SLC7A2: variants seen among roughly 807,000 people sequenced by gnomAD.
SLC7A2 encodes solute carrier family 7 member 2, also known as cationic amino acid transporter 2.
SLC7A2 carries 48 observed loss-of-function variants against 58.9 expected under a neutral mutation model. The ratio of observed to expected loss-of-function variants is 0.82; its 90% confidence interval spans 0.65 to 1.04. The LOEUF (loss-of-function observed/expected upper bound fraction) is 1.04. Among genes scored for constraint, SLC7A2 ranks in the 50% least tolerant of loss-of-function variants. The pLI, the probability that SLC7A2 is intolerant of heterozygous loss-of-function variation, is 0.00. For synonymous variants in SLC7A2, 363 were observed against 314.5 expected (o/e 1.15, Z -1.63); for missense variants, 1,029 against 818.8 (o/e 1.26, Z -3.13).
intron 11 of SLC7A2, among the ~76,000 whole-genome samples, chr8:17,562,792 A>G (rs936282124): frequency 6.6e-6 from 1 of 152,182 alleles, no homozygotes; most frequent in African/African-American, 2.4e-5. Flanking sequence ...TAGGGTGAGT[A>G]TTTTGTTTTT....
At chr8:17,529,452 C>T (rs879443716) in intron 2 of SLC7A2, among the ~76,000 whole-genome samples, 17 of 151,964 alleles carry the variant, frequency 1.1e-4, no homozygotes, top group Admixed American at 4.6e-4. Flanking sequence ...ATTGTATAAG[C>T]AAGTGTCAAT....
upstream of SLC7A2, among the ~76,000 whole-genome samples, chr8:17,495,193 C>T (rs1799927704): frequency 6.6e-6 from 1 of 152,148 alleles, no homozygotes; most frequent in Non-Finnish European, 1.5e-5. Flanking sequence ...CGTGTAGCCT[C>T]GCCTCCTCGA....
At chr8:17,524,233 A>G (rs1437935366) in intron 2 of SLC7A2, among the ~76,000 whole-genome samples, 4 of 152,222 alleles carry the variant, frequency 2.6e-5, no homozygotes, top group Admixed American at 2.6e-4. Context: ...CTACCATTTG[A>G]TCCAGCAGTC....
chr8:17,532,291 A>AACAATC (rs2150714886), intron 2 of SLC7A2, among the ~76,000 whole-genome samples: 1 of 79,176 alleles, frequency 1.3e-5, no homozygotes, highest in East Asian at 3.4e-4. Flanking sequence ...ATAATGGCTG[A>AACAATC]AGAATCAGAT....
chr8:17,514,389 A>G (rs1158098719), intron 2 of SLC7A2, among the ~76,000 whole-genome samples: 1 of 152,240 alleles, frequency 6.6e-6, no homozygotes, highest in Non-Finnish European at 1.5e-5. Context: ...ATGAGCCCAG[A>G]AAACCCGTGT....
chr8:17,530,826 C>A (rs557741450), intron 2 of SLC7A2, among the ~76,000 whole-genome samples: 1 of 152,172 alleles, frequency 6.6e-6, no homozygotes, highest in South Asian at 2.1e-4. Context: ...CCTGCCTTGG[C>A]CCCCCAAAGT....
At chr8:17,555,863 C>G (rs1802674654) in intron 8 of SLC7A2, among the ~76,000 whole-genome samples, 1 of 152,056 alleles carries the variant, frequency 6.6e-6, no homozygotes, top group Non-Finnish European at 1.5e-5. Flanking sequence ...CTTAAAGGTA[C>G]TGTTACAGGA....
At chr8:17,549,667 A>G (rs1287612460) in intron 5 of SLC7A2, among the ~76,000 whole-genome samples, 1 of 152,216 alleles carries the variant, frequency 6.6e-6, no homozygotes, top group Non-Finnish European at 1.5e-5. Context: ...TAGTTGCACA[A>G]GCAGACATAA....
chr8:17,501,063 G>C (rs1353107465), intron 1 of SLC7A2, among the ~76,000 whole-genome samples: 97 of 151,582 alleles, frequency 6.4e-4, no homozygotes, highest in Non-Finnish European at 3.7e-4. Flanking sequence ...GCCCAGGCTA[G>C]AGTGCAGTGG....
At chr8:17,562,911 C>T (rs1358604738) in intron 11 of SLC7A2, among the ~76,000 whole-genome samples, 1 of 152,114 alleles carries the variant, frequency 6.6e-6, no homozygotes, top group Non-Finnish European at 1.5e-5. Context: ...AAGGCCAAGG[C>T]AGGAGGATTG....
chr8:17,557,313 G>A (rs960222739), intron 8 of SLC7A2, among the ~76,000 whole-genome samples: 2 of 152,140 alleles, frequency 1.3e-5, no homozygotes, highest in African/African-American at 2.4e-5. Context: ...TGATGTTTCA[G>A]TGGAGAAAAC....
At chr8:17,494,077 CCAGTATCCAACCAT>C (rs1309399630), upstream of SLC7A2, among the ~76,000 whole-genome samples, 3 of 152,186 alleles carry the variant, frequency 2.0e-5, no homozygotes, top group Non-Finnish European at 4.4e-5. Context: ...GCATTAGTAT[CCAGTATCCAACCAT>C]CTGAAAAAAA....
intron 7 of SLC7A2, 51 bp downstream of exon 7, chr8:17,552,037 G>C: frequency 6.8e-7 from 1 of 1,467,638 alleles, no homozygotes; most frequent in Non-Finnish European, 9.5e-7. Flanking sequence ...CTACAAAGTA[G>C]TCAGTGTCTA....
At chr8:17,552,242 CACAG>C (rs1802489854) in intron 7 of SLC7A2, among the ~76,000 whole-genome samples, 1 of 151,018 alleles carries the variant, frequency 6.6e-6, no homozygotes, top group South Asian at 2.2e-4. Flanking sequence ...CATTGATACA[CACAG>C]ACACACACAC....
rs145357503 is a variant in SLC7A2 at position 17,512,173 on chromosome 8, G to A, written c.-23+9871G>A. On this transcript the variant is annotated intron_variant, in intron 2 of 12. Transcript: ENST00000494857. Reference sequence around the variant, plus strand: ...GTCAGGCTTTAATTCGTGTTTCTCTGTCTCTCTATGTGGAGTAGAGTAACA... The same window carrying A: ...GTCAGGCTTTAATTCGTGTTTCTCTATCTCTCTATGTGGAGTAGAGTAACA... Among the ~76,000 whole-genome samples, 317 of 152,124 alleles carry A rather than the reference G, an allele frequency of 2.1e-3. 1 individual carries two copies. The highest frequency in any genetic ancestry group is 7.0e-3 in the African/African-American group (291 of 41,502).
chr8:17,554,731 G>T, intron 8 of SLC7A2, 32 bp downstream of exon 8: 1 of 1,586,566 alleles, frequency 6.3e-7, no homozygotes, highest in East Asian at 2.2e-5. Context: ...TTCAGAAACG[G>T]GGGATCTTTT....
chr8:17,499,042 G>C (rs911166089), intron 1 of SLC7A2: 2 of 152,136 alleles, frequency 1.3e-5, no homozygotes, highest in Non-Finnish European at 2.9e-5. Context: ...CCTTTGCAGA[G>C]TGGAAGTGCC....
chr8:17,517,224 T>C (rs538976992), intron 2 of SLC7A2, among the ~76,000 whole-genome samples: 1 of 152,232 alleles, frequency 6.6e-6, no homozygotes, highest in South Asian at 2.1e-4. Flanking sequence ...AAACAAAAAC[T>C]TGGCAATAGA....
At chr8:17,529,532 GTTT>G (rs58195705) in intron 2 of SLC7A2, among the ~76,000 whole-genome samples, 2 of 139,450 alleles carry the variant, frequency 1.4e-5, no homozygotes, top group Non-Finnish European at 1.6e-5. Context: ...TTGTTTTTTT[GTTT>G]TTTTTTTTTT....
Sources: allele counts gnomAD v4.1 joint callset (sites outside exome capture counted in the v4.1 genomes callset), GRCh38; gene constraint gnomAD v4.1.1; transcripts MANE v1.5; gene names NCBI Gene and HGNC (gene_info 2026-07-23, HGNC 2026-07-21).